Variants in PHF3 observed in about 807,000 individuals in gnomAD.
The protein encoded by PHF3 is PHD finger protein 3.
A neutral mutation model predicts 178.4 loss-of-function variants in PHF3; 41 were observed. The ratio of observed to expected loss-of-function variants is 0.23; its 90% confidence interval spans 0.18 to 0.30. The LOEUF (loss-of-function observed/expected upper bound fraction) is 0.30. Ranked by LOEUF, PHF3 falls within the 10% of genes least tolerant of loss-of-function variation. The probability of loss-of-function intolerance (pLI) is 1.00; values close to 1 mark genes in which losing one functional copy is unlikely to be tolerated. For synonymous variants in PHF3, 842 were observed against 800.5 expected (o/e 1.05, Z -0.88); for missense variants, 2,346 against 2,398.1 (o/e 0.98, Z 0.45).
In PHF3 at chr6:63,684,309, A is replaced by C. The variant is rs1229062102; in HGVS notation, c.587A>C (p.Glu196Ala). The change falls in exon 4 of 16, where the codon GAG becomes GCG. Residue 196 changes from glutamate to alanine, a missense_variant. By Grantham distance (107) the Glu-to-Ala change is moderately radical. Coordinates refer to ENST00000262043, the MANE Select transcript of PHF3 (RefSeq NM_001370348.2). ...CMSLKPEYHK[E>A]NRRCSRNSGQ... is the part of the protein sequence containing the mutation. The stretch of plus-strand genomic sequence containing the variant: ...TCACTGAAACCTGAGTACCATAAGG[A>C]GAATAGAAGGTGCAGCCGAAATAGC... 6.2e-7 allele frequency: 1 copy of C among 1,614,004 alleles called. No individual in the cohort carries two copies. Among genetic ancestry groups the C allele is most frequent in the South Asian group, 1.1e-5 (1 of 91,074 alleles).
In PHF3 at chr6:63,725,021, A is replaced by G. The variant is rs781545981; in HGVS notation, c.*11313A>G. 6.6e-5 allele frequency among the ~76,000 whole-genome samples: 10 copies of G among 152,204 alleles called. No individual in the cohort carries two copies. Among genetic ancestry groups the G allele is most frequent in the Non-Finnish European group, 8.8e-5 (6 of 67,998 alleles). On this transcript the variant is annotated 3_prime_UTR_variant, in exon 16 of 16. Coordinates refer to ENST00000262043, the MANE Select transcript of PHF3 (RefSeq NM_001370348.2). ...GAGAGACTTCAAATAAACTTGTTAT[A>G]TCACTTGATTACTAAAAAATAAGTT...
chr6:63,652,935 T>A (rs1343898858), intron 2 of PHF3, among the ~76,000 whole-genome samples: 6 of 151,988 alleles, frequency 3.9e-5, no homozygotes, highest in Non-Finnish European at 8.8e-5. Flanking sequence ...TTATCATAGC[T>A]TTGTAGTATA....
intron 2 of PHF3, among the ~76,000 whole-genome samples, chr6:63,660,346 G>A (rs1259406311): frequency 6.6e-6 from 1 of 151,584 alleles, no homozygotes. Flanking sequence ...AATGCAACTA[G>A]ATATAAGAAA....
chr6:63,702,427 G>A, intron 9 of PHF3, 81 bp from the exon 10 acceptor site: 1 of 915,596 alleles, frequency 1.1e-6, no homozygotes, highest in South Asian at 2.3e-5. Flanking sequence ...TTTATTTTTA[G>A]GTAAGCTCTT....
intron 2 of PHF3, among the ~76,000 whole-genome samples, chr6:63,655,588 A>C (rs1478744625): frequency 6.6e-6 from 1 of 152,214 alleles, no homozygotes; most frequent in Non-Finnish European, 1.5e-5. Flanking sequence ...AAAGAAATAC[A>C]AATGATTTTT....
Position 63,685,099 on chromosome 6 carries a change from A to G in PHF3, c.1377A>G (p.Ile459Met). ...KQLNAIESTK[I>M]ESHETANLQD... ...TGAATGCTATAGAAAGTACTAAAATAGAGTCCCATGAAACAGCAAACCTTC... is the reference window on the plus strand; with the variant it reads ...TGAATGCTATAGAAAGTACTAAAATGGAGTCCCATGAAACAGCAAACCTTC... Residue 459 changes from isoleucine (I) to methionine (M), a missense_variant, in exon 4 of 16, where the codon ATA becomes ATG. This residue lies in a region of PHF3 where 843 missense variants were observed against 795.2 expected (regional missense o/e 1.06). Coordinates refer to ENST00000262043, the MANE Select transcript of PHF3 (RefSeq NM_001370348.2). The G allele has an allele frequency of 6.2e-7, 1 of 1,614,100 alleles. No individual in the cohort carries two copies. The highest frequency in any genetic ancestry group is 8.5e-7 in the Non-Finnish European group (1 of 1,179,988).
At position 63,685,701 on chromosome 6, in the gene PHF3, A is replaced by C. The variant is rs1209795870; in HGVS notation, c.1979A>C (p.Lys660Thr). 6.2e-7 allele frequency: 1 copy of C among 1,614,022 alleles called. No homozygotes were observed. Among genetic ancestry groups the C allele is most frequent in the Non-Finnish European group, 8.5e-7 (1 of 1,180,042 alleles). The change falls in exon 4 of 16, where the codon AAA becomes ACA. Residue 660 changes from lysine (K) to threonine (T), a missense_variant. Physicochemically the swap from Lys to Thr is moderately conservative, Grantham distance 78 (BLOSUM62 -1). This residue lies in a region of PHF3 where 843 missense variants were observed against 795.2 expected (regional missense o/e 1.06). Coordinates refer to ENST00000262043, the MANE Select transcript of PHF3 (RefSeq NM_001370348.2). ...GTTGAGCATTTTAAGGAAGAGGATA[A>C]ACTGAAACTGAAAAAACCTGAGAAG... ...PGVEHFKEED[K>T]LKLKKPEKNL...
At chr6:63,688,109 C>T (rs1171614037) in intron 4 of PHF3, among the ~76,000 whole-genome samples, 1 of 149,456 alleles carries the variant, frequency 6.7e-6, no homozygotes, top group Admixed American at 6.7e-5. Flanking sequence ...GCGCGTGAAC[C>T]CGGGAGGCGG....
chr6:63,674,737 A>G (rs886308552), intron 2 of PHF3, among the ~76,000 whole-genome samples: 1 of 152,138 alleles, frequency 6.6e-6, no homozygotes, highest in Non-Finnish European at 1.5e-5. Flanking sequence ...GTGATACTGC[A>G]CAGATATGTT....
intron 10 of PHF3, among the ~76,000 whole-genome samples, chr6:63,703,100 A>G (rs945620960): frequency 6.6e-6 from 1 of 151,984 alleles, no homozygotes; most frequent in African/African-American, 2.4e-5. Context: ...CTGGTCTTAA[A>G]CTCCTGACCT....
chr6:63,721,039 T>C lies in PHF3; in HGVS notation c.*7331T>C. 1 of 1,551,360 alleles carries C rather than the reference T, an allele frequency of 6.4e-7. No individual in the cohort carries two copies. Among genetic ancestry groups the C allele is most frequent in the Non-Finnish European group, 8.7e-7 (1 of 1,146,784 alleles). ...TTTTCTTCATTTTGAGCTATTCCCA[T>C]CCATACAATTAGACCTTCTGTTTTA... On this transcript the variant is annotated 3_prime_UTR_variant, in exon 16 of 16. Coordinates refer to ENST00000262043, the MANE Select transcript of PHF3 (RefSeq NM_001370348.2).
chr6:63,697,173 A>G (rs1003176067), intron 6 of PHF3, among the ~76,000 whole-genome samples: 1 of 152,198 alleles, frequency 6.6e-6, no homozygotes, highest in Non-Finnish European at 1.5e-5. Flanking sequence ...GGAGGTATTT[A>G]TCAGAAAGGT....
rs188665269 is a variant in PHF3 at position 63,665,385 on chromosome 6, C to A, written c.245-14615C>A. 2.8e-4 allele frequency among the ~76,000 whole-genome samples: 43 copies of A among 151,434 alleles called. 1 individual carries two copies. Among genetic ancestry groups the A allele is most frequent in the African/African-American group, 1.0e-3 (42 of 41,286 alleles). On this transcript the variant is annotated intron_variant, in intron 2 of 15. Coordinates refer to ENST00000262043, the MANE Select transcript of PHF3 (RefSeq NM_001370348.2). ...ATTAAGTATAATAGCTCTTTTAAGT[C>A]CTTTGCTATGAATTAATGGATAATT...
In PHF3 at chr6:63,716,858, A is replaced by G. The variant is rs1768205542; in HGVS notation, c.*3150A>G. On this transcript the variant is annotated 3_prime_UTR_variant, in exon 16 of 16. Transcript: ENST00000262043. ...TTGTGATTACATTGACCCCACCCAG[A>G]TAATCCAGGGTAATGTTCCTATTTT... Among the ~76,000 whole-genome samples the G allele has an allele frequency of 6.6e-6, 1 of 151,982 alleles. No individual in the cohort carries two copies. Among genetic ancestry groups the G allele is most frequent in the East Asian group, 1.9e-4 (1 of 5,192 alleles).
chr6:63,705,622 A>G (rs1767657408), intron 11 of PHF3, among the ~76,000 whole-genome samples: 1 of 152,216 alleles, frequency 6.6e-6, no homozygotes, highest in Admixed American at 6.5e-5. Context: ...ATTGTCTTCC[A>G]TGAAATTGGT....
intron 11 of PHF3, 84 bp from the exon 12 acceptor site, chr6:63,705,945 T>A: frequency 9.7e-7 from 1 of 1,034,260 alleles, no homozygotes; most frequent in Non-Finnish European, 1.4e-6. Context: ...TCATAGAACC[T>A]GAATAACTTT....
intron 2 of PHF3, among the ~76,000 whole-genome samples, chr6:63,678,355 A>G (rs552748253): frequency 2.6e-5 from 4 of 152,358 alleles, no homozygotes; most frequent in Admixed American, 6.5e-5. Flanking sequence ...CTGTCTTTAC[A>G]CAAATTATAT....
intron 6 of PHF3, among the ~76,000 whole-genome samples, chr6:63,697,826 A>G (rs1199475876): frequency 2.0e-5 from 3 of 152,332 alleles, no homozygotes; most frequent in African/African-American, 7.2e-5. Flanking sequence ...ATGCTTGGGA[A>G]TTAGTAATGA....
chr6:63,665,476 G>GTT (rs1469138723), intron 2 of PHF3, among the ~76,000 whole-genome samples: 251 of 108,284 alleles, frequency 2.3e-3, no homozygotes, highest in African/African-American at 8.1e-3. Flanking sequence ...TCGCTTTGTG[G>GTT]TTTTTTTTTG....
Sources: gnomAD v4.1 joint callset for allele counts (sites outside exome capture counted in the v4.1 genomes callset) on GRCh38, gnomAD v4.1.1 for gene constraint, gnomAD v4.1.1 regional missense constraint, MANE v1.5 for transcripts, NCBI Gene and HGNC (gene_info 2026-07-23, HGNC 2026-07-21) for gene names.